TMEM108: variants seen among roughly 807,000 people sequenced by gnomAD.
The protein encoded by TMEM108 is transmembrane protein 108, also known as cancer/testis antigen 124.
In TMEM108, 12 loss-of-function variants were observed where a neutral mutation model predicts 35.1. That is an observed-to-expected ratio of 0.34 (90% CI 0.22 to 0.55). The LOEUF is 0.55. TMEM108 is among the 20% of genes least tolerant of loss of function. The pLI is 0.89. For synonymous variants in TMEM108, 287 were observed against 308.6 expected (o/e 0.93, Z 0.73); for missense variants, 680 against 753.3 (o/e 0.90, Z 1.14).
chr3:133,202,673 C>A (rs1193892191), intron 2 of TMEM108, among the ~76,000 whole-genome samples: 1 of 152,136 alleles, frequency 6.6e-6, no homozygotes, highest in East Asian at 1.9e-4. Context: ...GGTACTAGTA[C>A]CATGCTATTT....
chr3:133,325,861 G>T (rs2071326637), intron 3 of TMEM108, among the ~76,000 whole-genome samples: 2 of 151,852 alleles, frequency 1.3e-5, no homozygotes, highest in African/African-American at 4.8e-5. Flanking sequence ...GAAGAATTGG[G>T]TTTTTTAAGG....
intron 3 of TMEM108, among the ~76,000 whole-genome samples, chr3:133,348,116 AG>A (rs908333050): frequency 2.4e-3 from 359 of 148,534 alleles, no homozygotes; most frequent in Middle Eastern, 0.01. Context: ...AAGAGTAATG[AG>A]GGGGGGGCCA....
intron 2 of TMEM108, among the ~76,000 whole-genome samples, chr3:133,226,081 G>C (rs933801248): frequency 1.3e-5 from 2 of 152,174 alleles, no homozygotes; most frequent in African/African-American, 2.4e-5. Flanking sequence ...ACAGGTCATA[G>C]GTGTATTCAA....
At chr3:133,320,849 A>T (rs568594037) in intron 3 of TMEM108, among the ~76,000 whole-genome samples, 1 of 152,340 alleles carries the variant, frequency 6.6e-6, no homozygotes, top group South Asian at 2.1e-4. Context: ...GCCAGAAGGG[A>T]TGGGAGTTCT....
chr3:133,390,350 G>C lies in TMEM108; in HGVS notation c.1605+16G>C, dbSNP rs776537719. On this transcript the variant is annotated intron_variant, in intron 5 of 5. Coordinates refer to ENST00000321871, the MANE Select transcript of TMEM108 (RefSeq NM_023943.4). ...AACCTCTGAGGTAATGAGCTTGAAA[G>C]TGCTGGCCCCACTGCAGGGAAACCA... 5.0e-6 allele frequency: 8 copies of C among 1,613,148 alleles called. No homozygotes were observed. The highest frequency in any genetic ancestry group is 6.8e-6 in the Non-Finnish European group (8 of 1,179,600).
At chr3:133,079,690 A>G (rs1271346187) in intron 2 of TMEM108, among the ~76,000 whole-genome samples, 2 of 152,180 alleles carry the variant, frequency 1.3e-5, no homozygotes, top group Non-Finnish European at 2.9e-5. Context: ...GGAGGACACA[A>G]ACATTCTGTT....
intron 3 of TMEM108, among the ~76,000 whole-genome samples, chr3:133,259,657 AG>A (rs1253543879): frequency 1.3e-5 from 2 of 152,232 alleles, no homozygotes; most frequent in African/African-American, 4.8e-5. Flanking sequence ...AATGGGTTCA[AG>A]GAAATAGAAT....
At chr3:133,235,811 C>T (rs1386106776) in intron 3 of TMEM108, among the ~76,000 whole-genome samples, 1 of 152,130 alleles carries the variant, frequency 6.6e-6, no homozygotes, top group African/African-American at 2.4e-5. Context: ...ATTATTGACC[C>T]TATTCTACAG....
chr3:133,114,726 A>G (rs1944267061), intron 2 of TMEM108, among the ~76,000 whole-genome samples: 1 of 152,178 alleles, frequency 6.6e-6, no homozygotes, highest in South Asian at 2.1e-4. Context: ...CCTCTCTTCC[A>G]TGGATAGAAA....
At chr3:133,240,611 T>C (rs1946299271) in intron 3 of TMEM108, among the ~76,000 whole-genome samples, 1 of 152,158 alleles carries the variant, frequency 6.6e-6, no homozygotes, top group East Asian at 1.9e-4. Flanking sequence ...CAATTTTCTA[T>C]AGGAAAGTAT....
At chr3:133,195,200 T>C (rs995972432) in intron 2 of TMEM108, among the ~76,000 whole-genome samples, 1 of 152,180 alleles carries the variant, frequency 6.6e-6, no homozygotes, top group African/African-American at 2.4e-5. Context: ...ATGTATTGTC[T>C]AATGTAATAC....
At chr3:133,108,911 C>T (rs1226143589) in intron 2 of TMEM108, among the ~76,000 whole-genome samples, 3 of 151,934 alleles carry the variant, frequency 2.0e-5, no homozygotes, top group Non-Finnish European at 4.4e-5. Flanking sequence ...GGGTGCAGCA[C>T]ACCAACATGG....
chr3:133,101,737 A>C (rs1409726406), intron 2 of TMEM108, among the ~76,000 whole-genome samples: 2 of 152,256 alleles, frequency 1.3e-5, no homozygotes, highest in African/African-American at 4.8e-5. Context: ...ATTGTTCACC[A>C]ATCCTTTGAT....
intron 2 of TMEM108, among the ~76,000 whole-genome samples, chr3:133,179,722 G>A (rs972346420): frequency 5.3e-5 from 8 of 152,044 alleles, no homozygotes; most frequent in African/African-American, 1.7e-4. Context: ...TGAGTTACTG[G>A]GTGCAGCACA....
At chr3:133,261,681 A>C (rs1282741244) in intron 3 of TMEM108, among the ~76,000 whole-genome samples, 1 of 152,232 alleles carries the variant, frequency 6.6e-6, no homozygotes, top group Non-Finnish European at 1.5e-5. Flanking sequence ...AATTCCAATA[A>C]ACGTTGATGG....
intron 3 of TMEM108, among the ~76,000 whole-genome samples, chr3:133,318,556 G>A (rs2071225876): frequency 6.6e-6 from 1 of 152,102 alleles, no homozygotes; most frequent in Non-Finnish European, 1.5e-5. Context: ...ATGACACCCA[G>A]CCATGTTCTC....
chr3:133,051,906 A>G (rs1943410789), intron 2 of TMEM108, among the ~76,000 whole-genome samples: 1 of 152,068 alleles, frequency 6.6e-6, no homozygotes, highest in Non-Finnish European at 1.5e-5. Context: ...GGCACTTTAT[A>G]GTAGGTCTTG....
chr3:133,188,846 A>G (rs1945459005), intron 2 of TMEM108, among the ~76,000 whole-genome samples: 1 of 152,146 alleles, frequency 6.6e-6, no homozygotes, highest in Non-Finnish European at 1.5e-5. Flanking sequence ...CATGTTCCGT[A>G]TAGTCATTTA....
At position 133,286,583 on chromosome 3, in the gene TMEM108, C is replaced by T. The variant is rs555333275; in HGVS notation, c.40+57232C>T. Among the ~76,000 whole-genome samples, 9 of 152,342 alleles carry T rather than the reference C, an allele frequency of 5.9e-5. No individual in the cohort carries two copies. The East Asian group carries it at 9.6e-4, about 16-fold the overall frequency. ...AACTCCTAGGCTCAAGCAATCTTCC[C>T]GCCTTGGCCTCCCAGATTGCTGGTA... On this transcript the variant is annotated intron_variant, in intron 3 of 5. Transcript: ENST00000321871.
Sources: allele counts gnomAD v4.1 joint callset (sites outside exome capture counted in the v4.1 genomes callset), GRCh38; gene constraint gnomAD v4.1.1; transcripts MANE v1.5; gene names NCBI Gene and HGNC (gene_info 2026-07-23, HGNC 2026-07-21).